The following PRLR variants were observed in gnomAD, a reference collection of about 807,000 sequenced individuals.
PRLR encodes prolactin receptor.
PRLR carries 13 observed loss-of-function variants against 40.2 expected under a neutral mutation model. The observed-to-expected ratio is 0.32, with a 90% CI of 0.21 to 0.51. The LOEUF (loss-of-function observed/expected upper bound fraction) is 0.51. PRLR is among the 20% of genes least tolerant of loss of function. The pLI, the probability that PRLR is intolerant of heterozygous loss-of-function variation, is 0.97. For missense variants in PRLR, 656 were observed against 747.3 expected (o/e 0.88, Z 1.42); for synonymous variants, 269 against 278.7 (o/e 0.97, Z 0.35).
At chr5:35,113,500 CCTAT>C (rs1772824001) in intron 2 of PRLR, among the ~76,000 whole-genome samples, 1 of 139,336 alleles carries the variant, frequency 7.2e-6, no homozygotes, top group Non-Finnish European at 1.5e-5. Flanking sequence ...CACCCACCCA[CCTAT>C]CTATCCACCC....
At chr5:35,129,018 G>T (rs565487080) in intron 1 of PRLR, among the ~76,000 whole-genome samples, 1 of 152,166 alleles carries the variant, frequency 6.6e-6, no homozygotes, top group Non-Finnish European at 1.5e-5. Flanking sequence ...TCAGAGCAGG[G>T]ACTTCTGCCT....
intron 1 of PRLR, among the ~76,000 whole-genome samples, chr5:35,145,119 C>A (rs980040719): frequency 1.3e-5 from 2 of 152,146 alleles, no homozygotes; most frequent in Non-Finnish European, 2.9e-5. Context: ...AGCTAGTTCT[C>A]ACATCAGCCT....
intron 1 of PRLR, among the ~76,000 whole-genome samples, chr5:35,213,086 C>A (rs1776209608): frequency 6.6e-6 from 1 of 152,186 alleles, no homozygotes; most frequent in African/African-American, 2.4e-5. Context: ...ATAATCAGAG[C>A]TACCTATCAC....
At chr5:35,143,169 T>C (rs1280503164) in intron 1 of PRLR, among the ~76,000 whole-genome samples, 1 of 152,238 alleles carries the variant, frequency 6.6e-6, no homozygotes, top group East Asian at 1.9e-4. Flanking sequence ...AAGGGCAAGA[T>C]GGTAAATATT....
intron 2 of PRLR, among the ~76,000 whole-genome samples, chr5:35,110,112 C>T (rs1298299393): frequency 6.6e-6 from 1 of 152,118 alleles, no homozygotes; most frequent in Non-Finnish European, 1.5e-5. Flanking sequence ...CAAACTATCA[C>T]AAGGACAGAA....
chr5:35,060,255 G>A lies in PRLR; in HGVS notation c.*4834C>T, dbSNP rs1768955676. On this transcript the variant is annotated 3_prime_UTR_variant, in exon 10 of 10. Transcript: ENST00000618457. Reference sequence around the variant, plus strand: ...TAATTTCATTTCTTGTGGATCCTATGGTTGCTACTAACTCTTAGGAAAATA... The same window carrying A: ...TAATTTCATTTCTTGTGGATCCTATAGTTGCTACTAACTCTTAGGAAAATA... 6.6e-6 allele frequency: 1 copy of A among 152,110 alleles called. No homozygotes were observed. Among genetic ancestry groups the A allele is most frequent in the African/African-American group, 2.4e-5 (1 of 41,420 alleles). The allele number at this position is 152,110 out of a possible 1,614,324, so 9.4% of individuals were successfully genotyped here.
chr5:35,184,038 G>C (rs1211870409), intron 1 of PRLR, among the ~76,000 whole-genome samples: 2 of 152,122 alleles, frequency 1.3e-5, no homozygotes, highest in Non-Finnish European at 2.9e-5. Flanking sequence ...GAATTCCAAG[G>C]CATCAGAAAG....
rs151035966 is a variant in PRLR at position 35,178,211 on chromosome 5, G to A, written c.-106+52057C>T. 1.4e-3 allele frequency among the ~76,000 whole-genome samples: 208 copies of A among 152,018 alleles called. 3 individuals carry two copies. The Middle Eastern group carries it at 0.058, about 42-fold the overall frequency. On this transcript the variant is annotated intron_variant, in intron 1 of 9. Coordinates refer to ENST00000618457, the MANE Select transcript of PRLR (RefSeq NM_000949.7). Reference sequence around the variant, plus strand: ...TAACTTTTTGAAACCAAATTTTTGCGACTCAGTTGCAAACTAGGCCTTCAG... The same window carrying A: ...TAACTTTTTGAAACCAAATTTTTGCAACTCAGTTGCAAACTAGGCCTTCAG...
intron 1 of PRLR, among the ~76,000 whole-genome samples, chr5:35,182,814 G>A (rs889984511): frequency 6.6e-6 from 1 of 152,286 alleles, no homozygotes; most frequent in South Asian, 2.1e-4. Context: ...AACCTCACTG[G>A]GCACTGCCTT....
At chr5:35,223,614 A>C (rs1776476176) in intron 1 of PRLR, among the ~76,000 whole-genome samples, 2 of 152,186 alleles carry the variant, frequency 1.3e-5, no homozygotes, top group Non-Finnish European at 2.9e-5. Flanking sequence ...TCCAGCCCTC[A>C]ATGCCCATTT....
At chr5:35,053,135 A>G (rs1236129784), downstream of PRLR, among the ~76,000 whole-genome samples, 2 of 152,150 alleles carry the variant, frequency 1.3e-5, no homozygotes, top group Non-Finnish European at 2.9e-5. Flanking sequence ...TAAAGTCAGG[A>G]AGAAGAAAGG....
chr5:35,229,207 C>T (rs1322639611), intron 1 of PRLR, among the ~76,000 whole-genome samples: 1 of 151,262 alleles, frequency 6.6e-6, no homozygotes, highest in African/African-American at 2.4e-5. Flanking sequence ...AAGTATCTTG[C>T]CCAAGTTTGC....
intron 9 of PRLR, among the ~76,000 whole-genome samples, chr5:35,066,889 G>A (rs1769411051): frequency 6.7e-6 from 1 of 149,960 alleles, no homozygotes. Context: ...TCAGCCTCCC[G>A]AGTAGCTGGG....
intron 2 of PRLR, among the ~76,000 whole-genome samples, chr5:35,104,596 C>T (rs1772106425): frequency 1.3e-5 from 2 of 152,236 alleles, no homozygotes; most frequent in African/African-American, 2.4e-5. Flanking sequence ...CTCGGAGGGT[C>T]CTATGCCCAC....
At chr5:35,124,489 G>A (rs1773392890) in intron 1 of PRLR, among the ~76,000 whole-genome samples, 1 of 152,128 alleles carries the variant, frequency 6.6e-6, no homozygotes, top group Non-Finnish European at 1.5e-5. Flanking sequence ...GAGGCAGGAG[G>A]CTTACAGTTT....
chr5:35,120,506 G>A (rs1280733857), intron 1 of PRLR, among the ~76,000 whole-genome samples: 1 of 152,082 alleles, frequency 6.6e-6, no homozygotes, highest in Non-Finnish European at 1.5e-5. Flanking sequence ...CCTAACATGA[G>A]GATATACCAT....
chr5:35,065,427 C>T lies in PRLR; in HGVS notation c.1531G>A (p.Glu511Lys), dbSNP rs1245550366. The T allele has an allele frequency of 1.2e-6, 2 of 1,614,108 alleles. No homozygotes were observed. Among genetic ancestry groups the T allele is most frequent in the South Asian group, 1.1e-5 (1 of 91,088 alleles). ...CCATCTTTGTTGACCTTGTGAATCT[C>T]CACATAATCCAAGGGTTTAGCGGAG... ...FGSAKPLDYV[E>K]IHKVNKDGAL... is the part of the protein sequence containing the mutation. Residue 511 changes from glutamate to lysine, a missense_variant, in exon 10 of 10, where the codon GAG becomes AAG. By Grantham distance (56) the Glu-to-Lys change is moderately conservative. Coordinates refer to ENST00000618457, the MANE Select transcript of PRLR (RefSeq NM_000949.7).
intron 1 of PRLR, among the ~76,000 whole-genome samples, chr5:35,229,481 G>A (rs1483885196): frequency 6.6e-6 from 1 of 152,146 alleles, no homozygotes; most frequent in African/African-American, 2.4e-5. Flanking sequence ...CAGAACTCCA[G>A]CCCTTGCCTT....
At chr5:35,215,501 C>T (rs1776263676) in intron 1 of PRLR, among the ~76,000 whole-genome samples, 2 of 152,158 alleles carry the variant, frequency 1.3e-5, no homozygotes, top group Admixed American at 6.5e-5. Context: ...CATACCTTGT[C>T]TTGTCTTTTT....
Sources: allele counts gnomAD v4.1 joint callset (sites outside exome capture counted in the v4.1 genomes callset), GRCh38; gene constraint gnomAD v4.1.1; transcripts MANE v1.5; gene names NCBI Gene and HGNC (gene_info 2026-07-23, HGNC 2026-07-21).